Variants in ADAMTS17 observed in about 807,000 individuals in gnomAD.
The protein encoded by ADAMTS17 is ADAM metallopeptidase with thrombospondin type 1 motif 17.
Under a neutral mutation model 141.5 loss-of-function variants are expected in ADAMTS17, and 113 were observed. The ratio of observed to expected loss-of-function variants is 0.80; its 90% CI spans 0.69 to 0.93. The LOEUF is 0.93. ADAMTS17 is among the 40% of genes least tolerant of loss of function. ADAMTS17 has a pLI of 0.00. For synonymous variants in ADAMTS17, 768 were observed against 630.6 expected (o/e 1.22, Z -3.27); for missense variants, 1,659 against 1,517.9 (o/e 1.09, Z -1.54).
intron 3 of ADAMTS17, among the ~76,000 whole-genome samples, chr15:100,305,517 G>A (rs920379404): frequency 1.3e-5 from 2 of 152,220 alleles, no homozygotes; most frequent in Non-Finnish European, 1.5e-5. Context: ...CCTGGTTCAC[G>A]TCCCATCTCA....
chr15:99,974,390 T>G lies in ADAMTS17; in HGVS notation c.*12A>C. The G allele has an allele frequency of 6.2e-7, 1 of 1,614,090 alleles. No individual in the cohort carries two copies. The highest frequency in any genetic ancestry group is 8.5e-7 in the Non-Finnish European group (1 of 1,180,018). On this transcript the variant is annotated 3_prime_UTR_variant, in exon 22 of 22. Transcript: ENST00000268070. Reference sequence around the variant, plus strand: ...CTGAGTCTGAGCTTTGAGCGACCCTTGGGACTGCGTGTCACGAGTTCGGCG... The same window carrying G: ...CTGAGTCTGAGCTTTGAGCGACCCTGGGGACTGCGTGTCACGAGTTCGGCG...
At chr15:100,063,120 G>T (rs2033245767) in intron 15 of ADAMTS17, among the ~76,000 whole-genome samples, 1 of 152,230 alleles carries the variant, frequency 6.6e-6, no homozygotes, top group South Asian at 2.1e-4. Flanking sequence ...GTCCAGAATA[G>T]AACCCAAGTC....
intron 3 of ADAMTS17, among the ~76,000 whole-genome samples, chr15:100,329,476 T>C (rs901471943): frequency 1.3e-5 from 2 of 148,656 alleles, no homozygotes; most frequent in African/African-American, 5.0e-5. Context: ...TGGCAAGCCA[T>C]GATCACACCA....
chr15:100,223,538 AAAG>A (rs1456311590), intron 7 of ADAMTS17, among the ~76,000 whole-genome samples: 2 of 152,110 alleles, frequency 1.3e-5, no homozygotes, highest in Non-Finnish European at 2.9e-5. Flanking sequence ...GGAGCAGGGC[AAAG>A]AAGGCAGGGA....
At chr15:100,256,254 G>A (rs547155704) in intron 6 of ADAMTS17, among the ~76,000 whole-genome samples, 3 of 152,300 alleles carry the variant, frequency 2.0e-5, no homozygotes, top group South Asian at 2.1e-4. Context: ...CCCAAGGTGC[G>A]TTCCTCGAGG....
chr15:100,134,948 T>C (rs1423220595), intron 10 of ADAMTS17, among the ~76,000 whole-genome samples: 5 of 152,186 alleles, frequency 3.3e-5, no homozygotes, highest in Admixed American at 3.3e-4. Flanking sequence ...CTGCACCTCA[T>C]CAAACATTTG....
intron 14 of ADAMTS17, among the ~76,000 whole-genome samples, chr15:100,108,608 C>T (rs73476494): frequency 6.6e-6 from 1 of 152,128 alleles, no homozygotes; most frequent in Non-Finnish European, 1.5e-5. Flanking sequence ...CCTGGCGTGA[C>T]CTGCACAGGC....
intron 15 of ADAMTS17, among the ~76,000 whole-genome samples, chr15:100,069,655 T>C (rs1430293473): frequency 6.6e-6 from 1 of 151,908 alleles, no homozygotes; most frequent in Admixed American, 6.6e-5. Context: ...GCTTCATAAG[T>C]GAAGGAGAAA....
At chr15:100,063,613 T>C (rs2033286651) in intron 15 of ADAMTS17, 2 of 1,268,110 alleles carry the variant, frequency 1.6e-6, no homozygotes, top group Non-Finnish European at 2.1e-6. Flanking sequence ...TGAACCAATT[T>C]ACCAGACTGA....
In ADAMTS17 at chr15:100,051,606, G is replaced by T. The variant is rs780592158; in HGVS notation, c.2421C>A (p.Ser807Arg). 1 of 1,614,052 alleles carries T rather than the reference G, an allele frequency of 6.2e-7. No individual in the cohort carries two copies. The highest frequency in any genetic ancestry group is 8.5e-7 in the Non-Finnish European group (1 of 1,179,986). The change falls in exon 17 of 22, where the codon AGC becomes AGA. Residue 807 changes from serine (S) to arginine (R), a missense_variant. Transcript: ENST00000268070. The stretch of plus-strand genomic sequence containing the variant: ...ACTGCACACTGCACCCTTCCCAGCC[G>T]CTGTGGGTCCAGATGAACAAAGAGT... Reference protein sequence around the residue: ...PQDSLFIWTHSGWEGCSVQCG... With the variant: ...PQDSLFIWTHRGWEGCSVQCG...
At chr15:99,980,006 T>C (rs560546777) in intron 20 of ADAMTS17, 1 of 152,306 alleles carries the variant, frequency 6.6e-6, no homozygotes, top group South Asian at 2.1e-4. Context: ...TCTGTGACTA[T>C]TTGGCACGTA....
intron 15 of ADAMTS17, among the ~76,000 whole-genome samples, chr15:100,092,362 C>G (rs555052071): frequency 6.6e-6 from 1 of 152,188 alleles, no homozygotes; most frequent in Non-Finnish European, 1.5e-5. Context: ...CACTCAGACG[C>G]GTGAGCCAGG....
chr15:100,238,520 C>G (rs1358097772), intron 7 of ADAMTS17, among the ~76,000 whole-genome samples: 2 of 152,180 alleles, frequency 1.3e-5, no homozygotes, highest in South Asian at 4.1e-4. Context: ...AAGATCCGTC[C>G]TGAACACAGA....
intron 7 of ADAMTS17, among the ~76,000 whole-genome samples, chr15:100,231,664 G>T (rs1459129473): frequency 6.6e-6 from 1 of 152,250 alleles, no homozygotes; most frequent in Non-Finnish European, 1.5e-5. Flanking sequence ...TGTGTCCAAG[G>T]GTTCTCAGGG....
chr15:100,249,034 C>G (rs914842360), intron 7 of ADAMTS17, among the ~76,000 whole-genome samples: 2 of 151,982 alleles, frequency 1.3e-5, no homozygotes, highest in Admixed American at 1.3e-4. Flanking sequence ...CTTGACCTCA[C>G]GTGATCCGCC....
chr15:100,169,861 T>A (rs1417615440), intron 8 of ADAMTS17, among the ~76,000 whole-genome samples: 2 of 152,148 alleles, frequency 1.3e-5, no homozygotes, highest in East Asian at 3.9e-4. Flanking sequence ...GAGAAGCAGC[T>A]AAAATCTTGG....
chr15:100,243,600 G>A (rs1462168210), intron 7 of ADAMTS17, among the ~76,000 whole-genome samples: 1 of 152,106 alleles, frequency 6.6e-6, no homozygotes, highest in East Asian at 1.9e-4. Flanking sequence ...GACCAGTGTG[G>A]CCAACACGGT....
chr15:100,121,906 T>A (rs1245001411), intron 12 of ADAMTS17, among the ~76,000 whole-genome samples: 1 of 152,180 alleles, frequency 6.6e-6, no homozygotes, highest in East Asian at 1.9e-4. Flanking sequence ...CCTATCCTGG[T>A]TGGAGATGCA....
intron 10 of ADAMTS17, among the ~76,000 whole-genome samples, chr15:100,149,760 G>T (rs2039076622): frequency 6.6e-6 from 1 of 152,196 alleles, no homozygotes; most frequent in Non-Finnish European, 1.5e-5. Context: ...TCTCACCATT[G>T]CTCCATCCAT....
Sources: gnomAD v4.1 joint callset for allele counts (sites outside exome capture counted in the v4.1 genomes callset) on GRCh38, gnomAD v4.1.1 for gene constraint, MANE v1.5 for transcripts, NCBI Gene and HGNC (gene_info 2026-07-23, HGNC 2026-07-21) for gene names.